The following PRPSAP2 variants were observed in gnomAD, a reference collection of about 807,000 sequenced individuals.
The protein encoded by PRPSAP2 is phosphoribosyl pyrophosphate synthase-associated protein 2.
In PRPSAP2, 24 loss-of-function variants were observed where a neutral mutation model predicts 40.6. The ratio of observed to expected loss-of-function variants is 0.59; its 90% CI spans 0.43 to 0.83. PRPSAP2 has a LOEUF of 0.83. PRPSAP2 is among the 40% of genes least tolerant of loss of function. PRPSAP2 has a pLI of 0.00. For synonymous variants in PRPSAP2, 149 were observed against 164.7 expected, an observed-to-expected ratio of 0.90 and a Z score of 0.73; for missense variants, 292 against 465.6, an observed-to-expected ratio of 0.63 and a Z score of 3.43.
In PRPSAP2 at chr17:18,889,816, T is replaced by C. The variant is rs2039424438; in HGVS notation, c.529-6T>C. ...GCAGTAATACCTGACTTCTTGTCTG[T>C]CACAGATCCCAGATTACAGGAATGC... On this transcript the variant is annotated splice_polypyrimidine_tract_variant and splice_region_variant and intron_variant, in intron 7 of 11. Transcript: ENST00000268835. The C allele has an allele frequency of 6.2e-7, 1 of 1,606,452 alleles. No homozygotes were observed. The highest frequency in any genetic ancestry group is 1.1e-5 in the South Asian group (1 of 89,270).
intron 6 of PRPSAP2, among the ~76,000 whole-genome samples, chr17:18,881,734 A>T (rs1439417309): frequency 4.6e-5 from 7 of 150,766 alleles, no homozygotes; most frequent in Non-Finnish European, 8.8e-5. Context: ...GGGTTTTGCC[A>T]TGTTCCCCAG....
At chr17:18,892,173 A>T (rs2039587256) in intron 8 of PRPSAP2, among the ~76,000 whole-genome samples, 1 of 151,962 alleles carries the variant, frequency 6.6e-6, no homozygotes, top group Admixed American at 6.6e-5. Context: ...AGTCCTTTTG[A>T]TGGCTGAGTA....
rs987542089 is a variant in PRPSAP2, at chr17:18,869,168, G to A, written c.172+1834G>A. 1.9e-4 allele frequency among the ~76,000 whole-genome samples: 29 copies of A among 152,172 alleles called. 1 individual carries two copies. Among genetic ancestry groups the A allele is most frequent in the Admixed American group, 1.4e-3 (22 of 15,270 alleles). ...CTCTCCAAGTTTCTGAATAAAGGGA[G>A]AGAAAATACTTGGTGTTTATTGGGA... On this transcript the variant is annotated intron_variant, in intron 4 of 11. Transcript: ENST00000268835.
At chr17:18,898,079 ACCT>A (rs1386303591) in intron 8 of PRPSAP2, among the ~76,000 whole-genome samples, 1 of 141,032 alleles carries the variant, frequency 7.1e-6, no homozygotes, top group Admixed American at 7.5e-5. Context: ...GCTCTTGGTA[ACCT>A]CCGCCTCCCG....
chr17:18,909,464 T>A (rs533042950), intron 8 of PRPSAP2, among the ~76,000 whole-genome samples: 12 of 152,030 alleles, frequency 7.9e-5, no homozygotes, highest in African/African-American at 2.2e-4. Context: ...CAGGATGGTC[T>A]TGATCTCCTG....
At chr17:18,913,649 G>C (rs1042353898) in intron 9 of PRPSAP2, among the ~76,000 whole-genome samples, 1 of 143,860 alleles carries the variant, frequency 7.0e-6, no homozygotes, top group Non-Finnish European at 1.5e-5. Context: ...CTGGGCCCAA[G>C]CAGTCCTCCC....
At chr17:18,917,568 TATTATTATTATTATTA>T (rs1424818792) in intron 9 of PRPSAP2, 3 of 67,250 alleles carry the variant, frequency 4.5e-5, no homozygotes, top group African/African-American at 1.3e-4. Context: ...TTATTATTAT[TATTATTATTATTATTA>T]TTTTTTTTTT....
At chr17:18,870,050 T>C (rs968056612) in intron 4 of PRPSAP2, among the ~76,000 whole-genome samples, 2 of 152,086 alleles carry the variant, frequency 1.3e-5, no homozygotes, top group Non-Finnish European at 2.9e-5. Flanking sequence ...GCTTTCACCA[T>C]GTTGGCCAGG....
At chr17:18,913,443 C>A (rs2041086819) in intron 9 of PRPSAP2, among the ~76,000 whole-genome samples, 1 of 151,852 alleles carries the variant, frequency 6.6e-6, no homozygotes, top group African/African-American at 2.4e-5. Context: ...CCCCCAAGAC[C>A]CTGGCATTCT....
chr17:18,892,798 G>A (rs1029049498), intron 8 of PRPSAP2, among the ~76,000 whole-genome samples: 5 of 150,214 alleles, frequency 3.3e-5, no homozygotes, highest in Non-Finnish European at 5.9e-5. Flanking sequence ...GCAGTGGCGC[G>A]ATCTCGGCTC....
At chr17:18,862,529 G>C (rs113076499) in intron 1 of PRPSAP2, among the ~76,000 whole-genome samples, 6 of 152,120 alleles carry the variant, frequency 3.9e-5, no homozygotes, top group Non-Finnish European at 8.8e-5. Context: ...TCAGTTCATA[G>C]GTAGCATGTC....
At chr17:18,902,906 C>A (rs1426911982) in intron 8 of PRPSAP2, among the ~76,000 whole-genome samples, 1 of 150,408 alleles carries the variant, frequency 6.6e-6, no homozygotes, top group African/African-American at 2.4e-5. Context: ...AATTGACTTG[C>A]CCCCCTCCAC....
At chr17:18,866,016 G>A (rs563389852) in intron 3 of PRPSAP2, 64 bp downstream of exon 3, 2 of 1,174,112 alleles carry the variant, frequency 1.7e-6, no homozygotes, top group African/African-American at 3.2e-5. Flanking sequence ...TTGATAATCA[G>A]ATTAGCAGTT....
At chr17:18,902,889 A>G (rs1357653970) in intron 8 of PRPSAP2, among the ~76,000 whole-genome samples, 39 of 150,848 alleles carry the variant, frequency 2.6e-4, no homozygotes, top group African/African-American at 6.6e-4. Flanking sequence ...AAAAAAAAAA[A>G]AAAAGAAATT....
rs574753942 is a variant in PRPSAP2 at position 18,868,206 on chromosome 17, G to A, written c.172+872G>A. 9.8e-4 allele frequency among the ~76,000 whole-genome samples: 149 copies of A among 152,254 alleles called. 1 individual carries two copies. The highest frequency in any genetic ancestry group is 8.5e-3 in the South Asian group (41 of 4,830). On this transcript the variant is annotated intron_variant, in intron 4 of 11. Transcript: ENST00000268835. ...AAATTATTTTAGGCCAGGCGTGGTGGCTCACGCCTGTAATCCCAGCACTTT... is the reference window on the plus strand; with the variant it reads ...AAATTATTTTAGGCCAGGCGTGGTGACTCACGCCTGTAATCCCAGCACTTT...
At chr17:18,868,483 GA>G (rs777650890) in intron 4 of PRPSAP2, among the ~76,000 whole-genome samples, 2,151 of 133,362 alleles carry the variant, frequency 0.016, 23 homozygotes, top group African/African-American at 0.033. Context: ...TGTCTCAGGG[GA>G]AAAAAAAAAA....
At chr17:18,862,868 T>C (rs1303239560) in intron 1 of PRPSAP2, among the ~76,000 whole-genome samples, 3 of 151,954 alleles carry the variant, frequency 2.0e-5, no homozygotes, top group Admixed American at 1.3e-4. Context: ...TCTCCCAGGC[T>C]GGAGTGCAGT....
intron 8 of PRPSAP2, among the ~76,000 whole-genome samples, chr17:18,894,743 A>G (rs1383411608): frequency 6.6e-6 from 1 of 152,146 alleles, no homozygotes; most frequent in Non-Finnish European, 1.5e-5. Context: ...TCAGTCTCCC[A>G]AAGTGCTGGG....
chr17:18,898,807 C>A (rs2040078684), intron 8 of PRPSAP2, among the ~76,000 whole-genome samples: 1 of 152,120 alleles, frequency 6.6e-6, no homozygotes, highest in East Asian at 1.9e-4. Flanking sequence ...AAGCTTTCAG[C>A]CATTGTCTTT....
Sources: allele counts gnomAD v4.1 joint callset (sites outside exome capture counted in the v4.1 genomes callset), GRCh38; gene constraint gnomAD v4.1.1; transcripts MANE v1.5; gene names NCBI Gene and HGNC (gene_info 2026-07-23, HGNC 2026-07-21).